ANK3: variants seen among roughly 807,000 people sequenced by gnomAD.
The protein encoded by ANK3 is ankyrin-3.
A neutral mutation model predicts 370.9 loss-of-function variants in ANK3; 57 were observed. The observed-to-expected ratio is 0.15, with a 90% CI of 0.12 to 0.19. The LOEUF is 0.19. Among genes scored for constraint, ANK3 ranks in the 10% least tolerant of loss-of-function variants. The pLI, the probability that ANK3 is intolerant of heterozygous loss-of-function variation, is 1.00. For missense variants in ANK3, 4,439 were observed against 5,302.1 expected, an observed-to-expected ratio of 0.84 and a Z score of 5.06; for synonymous variants, 1,929 against 1,946.3, an observed-to-expected ratio of 0.99 and a Z score of 0.23.
Position 60,086,862 on chromosome 10 carries a change from A to G in ANK3, c.3563T>C (p.Ile1188Thr), listed in dbSNP as rs199713029. The change falls in exon 30 of 44, where the codon ATT becomes ACT. Residue 1188 changes from isoleucine to threonine, a missense_variant. This residue lies in a region of ANK3 where 702 missense variants were observed against 941.5 expected (regional missense o/e 0.75). Coordinates refer to ENST00000280772, the MANE Select transcript of ANK3 (RefSeq NM_020987.5). ...GLQAQPVPDEIVKKILGNKAT... is the reference protein window; with the variant it reads ...GLQAQPVPDETVKKILGNKAT... Reference sequence around the variant, plus strand: ...TTTGTTTCCAAGGATCTTTTTCACAATTTCATCTGGAACAGGCTGGGCCTA... The same window carrying G: ...TTTGTTTCCAAGGATCTTTTTCACAGTTTCATCTGGAACAGGCTGGGCCTA... 6 of 1,612,446 alleles carry G rather than the reference A, an allele frequency of 3.7e-6. No individual in the cohort carries two copies. The highest frequency in any genetic ancestry group is 2.2e-5 in the East Asian group (1 of 44,788).
upstream of ANK3, among the ~76,000 whole-genome samples, chr10:60,391,341 A>G (rs2063086892): frequency 6.6e-6 from 1 of 152,228 alleles, no homozygotes; most frequent in African/African-American, 2.4e-5. Flanking sequence ...ATGAAACCAT[A>G]CAAAAATGGA....
At position 60,263,925 on chromosome 10, in the gene ANK3, G is replaced by A. The variant is rs1443833712; in HGVS notation, c.609C>T (p.Leu203=). The change falls in exon 6 of 44, where the codon CTC becomes CTT. Residue 203 remains leucine (L), a synonymous_variant. Transcript: ENST00000280772. ...LENDTKGKVR[L]PALHIAARKD... is the part of the protein sequence containing the mutation. ...TTCGGGCCGCGATATGAAGAGCTGGGAGACGCACTTTTCCTTTGGTGTCAT... is the reference window on the plus strand; with the variant it reads ...TTCGGGCCGCGATATGAAGAGCTGGAAGACGCACTTTTCCTTTGGTGTCAT... 1 of 1,614,118 alleles carries A rather than the reference G, an allele frequency of 6.2e-7. No individual in the cohort carries two copies.
At chr10:60,549,263 T>C (rs1210582184) in intron 2 of ANK3, among the ~76,000 whole-genome samples, 1 of 152,082 alleles carries the variant, frequency 6.6e-6, no homozygotes, top group Non-Finnish European at 1.5e-5. Context: ...TTTAATAACA[T>C]TGAAATAGGT....
At chr10:60,138,757 A>T (rs981283367) in intron 24 of ANK3, 1 of 641,272 alleles carries the variant, frequency 1.6e-6, no homozygotes, top group Non-Finnish European at 2.6e-6. Context: ...ACACACAATT[A>T]ACATGTTCAA....
chr10:60,411,220 C>G (rs2132929892), intron 2 of ANK3, among the ~76,000 whole-genome samples: 1 of 152,306 alleles, frequency 6.6e-6, no homozygotes, highest in South Asian at 2.1e-4. Context: ...GTTACACTGA[C>G]TCACAGAATT....
At chr10:60,343,782 A>T (rs2054798409) in intron 1 of ANK3, among the ~76,000 whole-genome samples, 1 of 152,072 alleles carries the variant, frequency 6.6e-6, no homozygotes, top group Admixed American at 6.6e-5. Flanking sequence ...GTCGTGTTGA[A>T]CTCCAGCATA....
rs1253682297 is a variant in ANK3 at position 60,069,781 on chromosome 10, G to A, written c.11100C>T (p.Gly3700=). 1 of 1,613,960 alleles carries A rather than the reference G, an allele frequency of 6.2e-7. No homozygotes were observed. Among genetic ancestry groups the A allele is most frequent in the African/African-American group, 1.3e-5 (1 of 74,910 alleles). Residue 3700 remains glycine, a synonymous_variant, in exon 37 of 44, where the codon GGC becomes GGT. Coordinates refer to ENST00000280772, the MANE Select transcript of ANK3 (RefSeq NM_020987.5). ...GECQEGTSSS[G]SLEKSAAATN... ...TGGCTGCTGCTGATTTCTCCAGGGA[G>A]CCACTACTGGATGTGCCTTCCTGAC...
intron 2 of ANK3, among the ~76,000 whole-genome samples, chr10:60,509,250 C>CAA (rs545237136): frequency 1.4e-5 from 2 of 147,164 alleles, no homozygotes; most frequent in Non-Finnish European, 1.5e-5. Flanking sequence ...ATATAACTAG[C>CAA]AAAAAAAAAA....
chr10:60,355,087 A>G (rs1479949266), intron 1 of ANK3, among the ~76,000 whole-genome samples: 2 of 152,198 alleles, frequency 1.3e-5, no homozygotes, highest in Non-Finnish European at 2.9e-5. Flanking sequence ...ATAAGAAAAA[A>G]GACTAGAAGG....
chr10:60,385,584 T>G (rs2062146496), intron 1 of ANK3, among the ~76,000 whole-genome samples: 2 of 152,154 alleles, frequency 1.3e-5, no homozygotes, highest in Non-Finnish European at 2.9e-5. Flanking sequence ...AATACAAGAA[T>G]GAAGCAATGA....
At chr10:60,031,018 A>T (rs1446546431) in intron 43 of ANK3, among the ~76,000 whole-genome samples, 2 of 152,170 alleles carry the variant, frequency 1.3e-5, no homozygotes, top group Non-Finnish European at 2.9e-5. Flanking sequence ...TCAAAATGTA[A>T]GAAGTTTGGG....
At chr10:60,350,876 A>C (rs1027549436) in intron 1 of ANK3, among the ~76,000 whole-genome samples, 1 of 152,022 alleles carries the variant, frequency 6.6e-6, no homozygotes, top group African/African-American at 2.4e-5. Flanking sequence ...GTGCCCTTTG[A>C]TACTTCCCAG....
At chr10:60,371,397 T>C (rs1301547121) in intron 1 of ANK3, among the ~76,000 whole-genome samples, 3 of 152,072 alleles carry the variant, frequency 2.0e-5, no homozygotes, top group African/African-American at 7.3e-5. Context: ...ATACATTTTC[T>C]ATATCAACTG....
intron 1 of ANK3, among the ~76,000 whole-genome samples, chr10:60,696,850 G>T (rs61854536): frequency 0.01 from 1,309 of 128,616 alleles, 39 homozygotes; most frequent in African/African-American, 0.039. Context: ...CACAAGACAG[G>T]GATGTCCTCT....
At chr10:60,218,180 C>T (rs1055835815) in intron 8 of ANK3, among the ~76,000 whole-genome samples, 56 of 145,666 alleles carry the variant, frequency 3.8e-4, no homozygotes, top group African/African-American at 1.4e-3. Context: ...TGTGTCTTTG[C>T]ACATGAGATG....
At chr10:60,171,131 A>T (rs533622790) in intron 21 of ANK3, among the ~76,000 whole-genome samples, 39 of 152,338 alleles carry the variant, frequency 2.6e-4, no homozygotes, top group African/African-American at 9.4e-4. Flanking sequence ...AGATTTTAAT[A>T]TAATAAAATC....
intron 8 of ANK3, among the ~76,000 whole-genome samples, 194 bp from the exon 9 acceptor site, chr10:60,213,704 A>T (rs957285287): frequency 6.6e-6 from 1 of 152,194 alleles, no homozygotes; most frequent in Admixed American, 6.5e-5. Flanking sequence ...AAGTAGCTGC[A>T]AAGTATGTAA....
chr10:60,701,319 G>C (rs2133418062), intron 1 of ANK3, among the ~76,000 whole-genome samples: 1 of 152,102 alleles, frequency 6.6e-6, no homozygotes, highest in South Asian at 2.1e-4. Context: ...TCAATGAAAG[G>C]GAATTTGGCA....
intron 28 of ANK3, among the ~76,000 whole-genome samples, chr10:60,089,758 G>A (rs2087735128): frequency 6.6e-6 from 1 of 151,852 alleles, no homozygotes; most frequent in African/African-American, 2.4e-5. Context: ...TAGGTTGGGG[G>A]ACAATAATAG....
Sources: allele counts gnomAD v4.1 joint callset (sites outside exome capture counted in the v4.1 genomes callset), GRCh38; gene constraint gnomAD v4.1.1; regional missense constraint gnomAD v4.1.1; transcripts MANE v1.5; gene names NCBI Gene and HGNC (gene_info 2026-07-23, HGNC 2026-07-21).